Variants in SCUBE3 observed in about 807,000 individuals in gnomAD.
SCUBE3 encodes signal peptide, CUB and EGF-like domain-containing protein 3.
In SCUBE3, 33 loss-of-function variants were observed where a neutral mutation model predicts 116.8. The observed-to-expected ratio is 0.28, with a 90% CI of 0.21 to 0.38. The LOEUF is 0.38. SCUBE3 is among the 10% of genes least tolerant of loss of function. SCUBE3 has a pLI of 1.00. For synonymous variants in SCUBE3, 418 were observed against 496.9 expected (o/e 0.84, Z 2.11); for missense variants, 1,007 against 1,324.8 (o/e 0.76, Z 3.72).
Position 35,219,450 on chromosome 6 carries a change from C to T in SCUBE3, c.85+4947C>T, listed in dbSNP as rs115453475. On this transcript the variant is annotated intron_variant, in intron 1 of 21. Coordinates refer to ENST00000274938, the MANE Select transcript of SCUBE3 (RefSeq NM_152753.4). This position sits in a 1 kb window ranked among gnomAD's most constrained non-coding sequence, Gnocchi z 4.7. ...TTGGCTGAACAAATGGGATGATGAC[C>T]CCTATATAGGGCACAGTGGTCCTTG... is the stretch of plus-strand genomic sequence containing the variant. Among the ~76,000 whole-genome samples, 6,041 of 152,172 alleles carry T rather than the reference C, an allele frequency of 0.04. 160 individuals carry two copies. Among genetic ancestry groups the T allele is most frequent in the Middle Eastern group, 0.085 (25 of 294 alleles).
intron 1 of SCUBE3, among the ~76,000 whole-genome samples, chr6:35,217,440 TAA>T (rs1189135273): frequency 6.6e-6 from 1 of 151,684 alleles, no homozygotes; most frequent in African/African-American, 2.4e-5. Flanking sequence ...AGAGTTTTGA[TAA>T]AGTCATGCAT....
In SCUBE3 at chr6:35,231,580, G is replaced by T. The variant is rs1783549135; in HGVS notation, c.335-145G>T. ...CCTTTTTACACTTAGTGAAATATTA[G>T]CTGACAAGGGTGTGAGGACTTCCTG... is the stretch of plus-strand genomic sequence containing the variant. On this transcript the variant is annotated intron_variant, in intron 3 of 21. Transcript: ENST00000274938. This position sits in a 1 kb window ranked among gnomAD's most constrained non-coding sequence, Gnocchi z 4.2. 5.2e-6 allele frequency: 3 copies of T among 574,142 alleles called. No individual in the cohort carries two copies. The highest frequency in any genetic ancestry group is 1.9e-5 in the African/African-American group (1 of 52,622). 35.6% of individuals were successfully genotyped at this position (574,142 alleles called of 1,614,324 possible).
At chr6:35,225,400 G>A (rs1468282710) in intron 1 of SCUBE3, among the ~76,000 whole-genome samples, 1 of 152,230 alleles carries the variant, frequency 6.6e-6, no homozygotes, top group Non-Finnish European at 1.5e-5. Context: ...ATTCTCCACA[G>A]AGCACCTTAC....
In SCUBE3 at chr6:35,249,012, CT is replaced by C. The variant is rs1784460714; in HGVS notation, c.*308del. 1 of 276,674 alleles carries C rather than the reference CT, an allele frequency of 3.6e-6. No individual in the cohort carries two copies. Among genetic ancestry groups the C allele is most frequent in the African/African-American group, 2.2e-5 (1 of 44,836 alleles). 17.1% of individuals were successfully genotyped at this position (276,674 alleles called of 1,614,324 possible). Reference sequence around the variant, plus strand: ...CCCCTTCCACTGCCCATTTTACCAGCTCACATTCCCGACCCCATCAGCTTGG... The same window carrying C: ...CCCCTTCCACTGCCCATTTTACCAGCCACATTCCCGACCCCATCAGCTTGG... On this transcript the variant is annotated 3_prime_UTR_variant, in exon 22 of 22. Transcript: ENST00000274938.
Position 35,244,946 on chromosome 6 carries a change from C to A in SCUBE3, c.2401+135C>A. The A allele has an allele frequency of 3.5e-6, 3 of 865,954 alleles. No individual in the cohort carries two copies. The South Asian group carries it at 4.8e-5, about 14-fold the overall frequency. 53.6% of individuals were successfully genotyped at this position (865,954 alleles called of 1,614,324 possible). ...CAGGAAAACTCCACCTTCCACCTCTCCCCAACTCACTCAATCTCAAGGCCA... is the reference window on the plus strand; with the variant it reads ...CAGGAAAACTCCACCTTCCACCTCTACCCAACTCACTCAATCTCAAGGCCA... On this transcript the variant is annotated intron_variant, in intron 18 of 21. Coordinates refer to ENST00000274938, the MANE Select transcript of SCUBE3 (RefSeq NM_152753.4). The surrounding 1 kb of genome is among the most constrained non-coding windows in gnomAD (Gnocchi z 4.3).
At position 35,233,028 on chromosome 6, in the gene SCUBE3, G is replaced by C; in HGVS notation, c.595+53G>C. The C allele has an allele frequency of 3.1e-6, 5 of 1,604,952 alleles. No homozygotes were observed. In the East Asian group the frequency reaches 6.7e-5, roughly 21 times the overall value. ...CAGTGGGGTCGGGGGTGAAAACATA[G>C]AGGAAGGGTATAGGGCTTCAGGAGC... On this transcript the variant is annotated intron_variant, in intron 5 of 21. Transcript: ENST00000274938. This position sits in a 1 kb window ranked among gnomAD's most constrained non-coding sequence, Gnocchi z 5.7.
At chr6:35,229,892 AAACAAAAGG>A (rs1326689627) in intron 3 of SCUBE3, among the ~76,000 whole-genome samples, 1 of 152,224 alleles carries the variant, frequency 6.6e-6, no homozygotes, top group Admixed American at 6.5e-5. Context: ...AAAGGAAGAG[AAACAAAAGG>A]AATGATGCCC....
In SCUBE3 at chr6:35,241,353, G is replaced by A; in HGVS notation, c.1195+87G>A. 1 of 1,438,764 alleles carries A rather than the reference G, an allele frequency of 7.0e-7. No individual in the cohort carries two copies. Among genetic ancestry groups the A allele is most frequent in the Admixed American group, 1.8e-5 (1 of 54,240 alleles). The allele number at this position is 1,438,764 out of a possible 1,614,324, so 89.1% of individuals were successfully genotyped here. On this transcript the variant is annotated intron_variant, in intron 10 of 21. Transcript: ENST00000274938. The surrounding 1 kb of genome is among the most constrained non-coding windows in gnomAD (Gnocchi z 4.1). Reference sequence around the variant, plus strand: ...TGGAAAGCATAGAGTATCACATTGGGGAAAGGTGTGAGGTGGAAAGGGTGG... The same window carrying A: ...TGGAAAGCATAGAGTATCACATTGGAGAAAGGTGTGAGGTGGAAAGGGTGG...
chr6:35,232,701 G>A lies in SCUBE3; in HGVS notation c.470-149G>A, dbSNP rs144455899. 1.3e-5 allele frequency: 9 copies of A among 719,844 alleles called. No individual in the cohort carries two copies. The African/African-American group carries it at 1.6e-4, about 13-fold the overall frequency. 44.6% of individuals were successfully genotyped at this position (719,844 alleles called of 1,614,324 possible). A position where few individuals can be genotyped will look rare whatever the true frequency, so the allele number is the denominator to read the frequency against. On this transcript the variant is annotated intron_variant, in intron 4 of 21. Transcript: ENST00000274938. The surrounding 1 kb of genome is among the most constrained non-coding windows in gnomAD (Gnocchi z 4.2). Reference sequence around the variant, plus strand: ...CCCAGGTCTGTGGGGAAGACAGGAGGCCTGGGACAAGGAGAGTCAGTCCCC... The same window carrying A: ...CCCAGGTCTGTGGGGAAGACAGGAGACCTGGGACAAGGAGAGTCAGTCCCC...
rs777484451 is a variant in SCUBE3 at position 35,248,781 on chromosome 6, C to T, written c.*76C>T. On this transcript the variant is annotated 3_prime_UTR_variant, in exon 22 of 22. Transcript: ENST00000274938. ...CTCAGAGCCGGCAGCCCCCTACCCTCAGACAAGGAACTCTCTCCTCTCTTT... is the reference window on the plus strand; with the variant it reads ...CTCAGAGCCGGCAGCCCCCTACCCTTAGACAAGGAACTCTCTCCTCTCTTT... 18 of 1,176,750 alleles carry T rather than the reference C, an allele frequency of 1.5e-5. No homozygotes were observed. Among genetic ancestry groups the T allele is most frequent in the Admixed American group, 2.1e-5 (1 of 47,036 alleles). 72.9% of individuals were successfully genotyped at this position (1,176,750 alleles called of 1,614,324 possible). A position where few individuals can be genotyped will look rare whatever the true frequency, so the allele number is the denominator to read the frequency against.
At chr6:35,247,019 A>T (rs1784368327) in intron 21 of SCUBE3, among the ~76,000 whole-genome samples, 1 of 152,126 alleles carries the variant, frequency 6.6e-6, no homozygotes, top group Admixed American at 6.5e-5. Context: ...GATCTAGCAC[A>T]GCTTTCTCAG....
In SCUBE3 at chr6:35,245,725, T is replaced by G. The variant is rs1562060818; in HGVS notation, c.2600-219T>G. On this transcript the variant is annotated intron_variant, in intron 19 of 21. Transcript: ENST00000274938. The surrounding 1 kb of genome is among the most constrained non-coding windows in gnomAD (Gnocchi z 4.2). ...CCATTCATTTAAATGTCATATTTAT[T>G]ACACTATGTGAGTGCCCAGGTATCA... 6.6e-6 allele frequency among the ~76,000 whole-genome samples: 1 copy of G among 152,192 alleles called. No individual in the cohort carries two copies. Among genetic ancestry groups the G allele is most frequent in the Non-Finnish European group, 1.5e-5 (1 of 68,036 alleles).
intron 1 of SCUBE3, among the ~76,000 whole-genome samples, chr6:35,227,109 G>C (rs529480210): frequency 1.3e-5 from 2 of 152,284 alleles, no homozygotes; most frequent in African/African-American, 4.8e-5. Context: ...CACAGATGAA[G>C]ATCCCTCAGA....
chr6:35,243,735 C>A lies in SCUBE3; in HGVS notation c.2051C>A (p.Thr684Asn). 1 of 1,614,086 alleles carries A rather than the reference C, an allele frequency of 6.2e-7. No homozygotes were observed. Among genetic ancestry groups the A allele is most frequent in the South Asian group, 1.1e-5 (1 of 91,078 alleles). The change falls in exon 16 of 22, where the codon ACC becomes AAC. Residue 684 changes from threonine (T) to asparagine (N), a missense_variant. Physicochemically the swap from Thr to Asn is moderately conservative, Grantham distance 65. This residue lies in a region of SCUBE3 where 544 missense variants were observed against 638.9 expected (regional missense o/e 0.85). Transcript: ENST00000274938. The surrounding 1 kb of genome is among the most constrained non-coding windows in gnomAD (Gnocchi z 6.6). ...GSDAHGPLGATNVTTCAGQCP... is the reference protein window; with the variant it reads ...GSDAHGPLGANNVTTCAGQCP... ...GATGCCCACGGGCCTCTTGGAGCCA[C>A]CAACGTCACCACGTGTGCAGGTGCC...
In SCUBE3 at chr6:35,248,752, A is replaced by G. The variant is rs201456224; in HGVS notation, c.*47A>G. ...AATTTTTTAAGCCCCCAGACTCCTT[A>G]GCCCTCAGAGCCGGCAGCCCCCTAC... On this transcript the variant is annotated 3_prime_UTR_variant, in exon 22 of 22. Transcript: ENST00000274938. 2.2e-4 allele frequency: 345 copies of G among 1,537,850 alleles called. 2 individuals are homozygous for G. The highest frequency in any genetic ancestry group is 1.9e-3 in the Middle Eastern group (11 of 5,814).
At chr6:35,242,054 C>G in intron 12 of SCUBE3, 144 bp downstream of exon 12, 1 of 838,956 alleles carries the variant, frequency 1.2e-6, no homozygotes, top group Non-Finnish European at 2.0e-6. Context: ...CCCTCACTCC[C>G]TCTGCCCTAA....
rs1784207298 is a variant in SCUBE3, at chr6:35,243,881, C to T, written c.2072-82C>T. The T allele has an allele frequency of 6.5e-7, 1 of 1,534,250 alleles. No individual in the cohort carries two copies. Among genetic ancestry groups the T allele is most frequent in the South Asian group, 1.2e-5 (1 of 83,882 alleles). On this transcript the variant is annotated intron_variant, in intron 16 of 21. Coordinates refer to ENST00000274938, the MANE Select transcript of SCUBE3 (RefSeq NM_152753.4). The surrounding 1 kb of genome is among the most constrained non-coding windows in gnomAD (Gnocchi z 6.6). ...TCTTAGTCAACATCCTGTTTGTATA[C>T]CTTTGTCCCCTGAGATCGGGTGACC... is the stretch of plus-strand genomic sequence containing the variant.
In SCUBE3 at chr6:35,218,512, G is replaced by A. The variant is rs139341473; in HGVS notation, c.85+4009G>A. Among the ~76,000 whole-genome samples the A allele has an allele frequency of 9.6e-4, 146 of 152,270 alleles. 1 individual carries two copies. The East Asian group carries it at 0.024, about 25-fold the overall frequency. ...GGGTGTGGGCCTCCTTTGACATCCC[G>A]TATCCCTAGCACATGACCACTTATA... On this transcript the variant is annotated intron_variant, in intron 1 of 21. Transcript: ENST00000274938.
rs1784596876 is a variant in SCUBE3, at chr6:35,252,736, C to G, written c.*4031C>G. On this transcript the variant is annotated 3_prime_UTR_variant, in exon 22 of 22. Transcript: ENST00000274938. ...TATATGATTAGAAGGAATAGAACCC[C>G]CAGTTGTCATCAGCTTTTTTAGACA... 6.6e-6 allele frequency: 1 copy of G among 152,154 alleles called. No individual in the cohort carries two copies. The highest frequency in any genetic ancestry group is 1.5e-5 in the Non-Finnish European group (1 of 68,016). The allele number at this position is 152,154 out of a possible 1,614,324, so 9.4% of individuals were successfully genotyped here.
Sources: gnomAD v4.1 joint callset for allele counts (sites outside exome capture counted in the v4.1 genomes callset) on GRCh38, gnomAD v4.1.1 for gene constraint, gnomAD v4.1.1 regional missense constraint, Gnocchi (gnomAD v3.1) non-coding constraint, MANE v1.5 for transcripts, NCBI Gene and HGNC (gene_info 2026-07-23, HGNC 2026-07-21) for gene names.